Variants in GRIK2 observed in about 807,000 individuals in gnomAD.
GRIK2 encodes the protein glutamate receptor ionotropic, kainate 2.
A neutral mutation model predicts 100.3 loss-of-function variants in GRIK2; 32 were observed. That is an observed-to-expected ratio of 0.32 (90% CI 0.24 to 0.43). The LOEUF (loss-of-function observed/expected upper bound fraction) is 0.43. Ranked by LOEUF, GRIK2 falls within the 20% of genes least tolerant of loss-of-function variation. The probability of loss-of-function intolerance (pLI) is 1.00; values close to 1 mark genes in which losing one functional copy is unlikely to be tolerated. For missense variants in GRIK2, 843 were observed against 1,114.9 expected, an observed-to-expected ratio of 0.76 and a Z score of 3.47; for synonymous variants, 417 against 389.4, an observed-to-expected ratio of 1.07 and a Z score of -0.83.
chr6:101,985,944 G>A (rs528951658), intron 14 of GRIK2, among the ~76,000 whole-genome samples: 38 of 151,744 alleles, frequency 2.5e-4, no homozygotes, highest in African/African-American at 7.5e-4. Flanking sequence ...ATAATATAAT[G>A]TAATATATTG....
intron 2 of GRIK2, among the ~76,000 whole-genome samples, chr6:101,599,201 C>A (rs1044896987): frequency 6.6e-6 from 1 of 151,558 alleles, no homozygotes; most frequent in Non-Finnish European, 1.5e-5. Context: ...TTAATTTGCT[C>A]AAGATAATGG....
At chr6:101,677,394 G>A (rs1166749021) in intron 5 of GRIK2, among the ~76,000 whole-genome samples, 1 of 152,040 alleles carries the variant, frequency 6.6e-6, no homozygotes, top group East Asian at 1.9e-4. Flanking sequence ...CCAGAATAAA[G>A]CATTGCCTGA....
At chr6:102,039,671 C>G (rs1051579088) in intron 15 of GRIK2, among the ~76,000 whole-genome samples, 1 of 151,498 alleles carries the variant, frequency 6.6e-6, no homozygotes, top group Non-Finnish European at 1.5e-5. Flanking sequence ...CTTGGTTTCT[C>G]TTTTTCAAAT....
intron 12 of GRIK2, among the ~76,000 whole-genome samples, chr6:101,902,450 G>A (rs937863453): frequency 4.6e-5 from 7 of 151,780 alleles, no homozygotes; most frequent in South Asian, 2.1e-4. Flanking sequence ...TTACAACCTC[G>A]GAAACAATTC....
chr6:101,927,763 T>C (rs981570702), intron 13 of GRIK2: 1 of 152,094 alleles, frequency 6.6e-6, no homozygotes, highest in African/African-American at 2.4e-5. Context: ...TAGCTATATA[T>C]TCTTATTCTA....
intron 2 of GRIK2, among the ~76,000 whole-genome samples, chr6:101,607,417 T>C (rs923457166): frequency 2.0e-5 from 3 of 152,008 alleles, no homozygotes; most frequent in African/African-American, 7.2e-5. Context: ...TTTTGAATTG[T>C]AAAGCAATAA....
intron 7 of GRIK2, among the ~76,000 whole-genome samples, chr6:101,782,030 G>A (rs1346053693): frequency 6.6e-6 from 1 of 151,944 alleles, no homozygotes; most frequent in Non-Finnish European, 1.5e-5. Flanking sequence ...TTATTTTATT[G>A]ATTCTTAATG....
At position 102,055,647 on chromosome 6, in the gene GRIK2, AAG is replaced by A. The variant is rs1771427707; in HGVS notation, c.2562+70_2562+71del. On this transcript the variant is annotated intron_variant, in intron 16 of 16. Transcript: ENST00000369134. ...GTTGTTACAATAAAACACAAACCAA[AAG>A]AGTTTTTATGTTACCAACTAATGAT... The A allele has an allele frequency of 5.9e-6, 7 of 1,192,396 alleles. 1 individual carries two copies. Among genetic ancestry groups the A allele is most frequent in the Non-Finnish European group, 6.1e-6 (5 of 822,308 alleles). The allele number at this position is 1,192,396 out of a possible 1,614,324, so 73.9% of individuals were successfully genotyped here.
At chr6:101,489,027 A>G (rs963267727) in intron 2 of GRIK2, among the ~76,000 whole-genome samples, 6 of 146,652 alleles carry the variant, frequency 4.1e-5, no homozygotes, top group African/African-American at 7.8e-5. Context: ...ATAGTTGACT[A>G]TATTTTAATG....
At chr6:102,067,151 T>C (rs778046647) in intron 16 of GRIK2, among the ~76,000 whole-genome samples, 10 of 151,800 alleles carry the variant, frequency 6.6e-5, no homozygotes, top group Admixed American at 2.0e-4. Flanking sequence ...TAAAATTGTA[T>C]GTATATATCA....
chr6:101,694,602 A>C (rs1012814461), intron 7 of GRIK2, among the ~76,000 whole-genome samples: 2 of 152,064 alleles, frequency 1.3e-5, no homozygotes, highest in East Asian at 3.9e-4. Flanking sequence ...TCCTACAGCA[A>C]AGTTCTGGCT....
chr6:101,809,598 A>G (rs1192115776), intron 9 of GRIK2, among the ~76,000 whole-genome samples: 2 of 152,050 alleles, frequency 1.3e-5, no homozygotes, highest in African/African-American at 2.4e-5. Flanking sequence ...GCCCATGGCA[A>G]CAGTGACCCC....
intron 2 of GRIK2, among the ~76,000 whole-genome samples, chr6:101,516,339 T>G (rs2852542): frequency 0.09 from 13,635 of 151,950 alleles, 670 homozygotes; most frequent in Middle Eastern, 0.13. Flanking sequence ...TTCAAACTAT[T>G]CTATAAGGCC....
At chr6:101,948,307 G>T (rs764333071) in intron 14 of GRIK2, among the ~76,000 whole-genome samples, 5 of 150,752 alleles carry the variant, frequency 3.3e-5, no homozygotes, top group Non-Finnish European at 7.4e-5. Flanking sequence ...AAGAATCTTA[G>T]AACTGTCTTT....
intron 2 of GRIK2, among the ~76,000 whole-genome samples, chr6:101,536,598 T>C (rs1316166115): frequency 6.6e-6 from 1 of 151,732 alleles, no homozygotes; most frequent in Non-Finnish European, 1.5e-5. Context: ...ATACCCAGGC[T>C]AAAGTTTCAA....
At chr6:101,881,693 A>C (rs981845950) in intron 11 of GRIK2, among the ~76,000 whole-genome samples, 16 of 151,726 alleles carry the variant, frequency 1.1e-4, no homozygotes, top group Admixed American at 4.6e-4. Context: ...AAAAAAAAAA[A>C]AATAGAAAAA....
At chr6:102,000,534 G>T (rs1015735470) in intron 14 of GRIK2, among the ~76,000 whole-genome samples, 1 of 151,850 alleles carries the variant, frequency 6.6e-6, no homozygotes, top group African/African-American at 2.4e-5. Context: ...TTGGTTTTCT[G>T]TTTTTAATGA....
At chr6:101,605,095 A>G (rs1296964044) in intron 2 of GRIK2, among the ~76,000 whole-genome samples, 3 of 151,996 alleles carry the variant, frequency 2.0e-5, no homozygotes, top group Non-Finnish European at 2.9e-5. Context: ...CCTTAAATCT[A>G]TTTATATTTT....
At chr6:102,052,158 A>G (rs1004582511) in intron 15 of GRIK2, among the ~76,000 whole-genome samples, 1 of 152,206 alleles carries the variant, frequency 6.6e-6, no homozygotes, top group Admixed American at 6.5e-5. Flanking sequence ...TTCAGCTGGC[A>G]TATTTGTAGA....
Sources: allele counts gnomAD v4.1 joint callset (sites outside exome capture counted in the v4.1 genomes callset), GRCh38; gene constraint gnomAD v4.1.1; transcripts MANE v1.5; gene names NCBI Gene and HGNC (gene_info 2026-07-23, HGNC 2026-07-21).